Variants in NLRP3 observed in about 807,000 individuals in gnomAD.
NLRP3 encodes NLR family pyrin domain containing 3, also known as NACHT, LRR and PYD domains-containing protein 3.
A neutral mutation model predicts 91.3 loss-of-function variants in NLRP3; 48 were observed. The observed-to-expected ratio is 0.53, with a 90% CI of 0.42 to 0.67. The LOEUF (loss-of-function observed/expected upper bound fraction) is 0.67. Among genes scored for constraint, NLRP3 ranks in the 30% least tolerant of loss-of-function variants. NLRP3 has a pLI of 0.00. For synonymous variants in NLRP3, 561 were observed against 507.9 expected (o/e 1.10, Z -1.41); for missense variants, 982 against 1,276.9 (o/e 0.77, Z 3.52).
At chr1:247,437,114 T>C (rs896722618) in intron 7 of NLRP3, among the ~76,000 whole-genome samples, 2 of 152,242 alleles carry the variant, frequency 1.3e-5, no homozygotes, top group African/African-American at 2.4e-5. Context: ...ATGTTGCTAA[T>C]GGGCTCTCTA....
chr1:247,416,985 C>G (rs903149196), intron 1 of NLRP3, among the ~76,000 whole-genome samples: 2 of 152,108 alleles, frequency 1.3e-5, no homozygotes, highest in African/African-American at 4.8e-5. Flanking sequence ...CAATTCCAAA[C>G]AAAGCCAACT....
chr1:247,440,051 T>C (rs1664094157), intron 7 of NLRP3, among the ~76,000 whole-genome samples: 1 of 152,362 alleles, frequency 6.6e-6, no homozygotes, highest in South Asian at 2.1e-4. Flanking sequence ...GGGTTAGGCA[T>C]AGCCTGTGTG....
chr1:247,446,038 C>T lies in NLRP3; in HGVS notation c.3005+1217C>T, dbSNP rs74974762. Among the ~76,000 whole-genome samples the T allele has an allele frequency of 1.3e-3, 196 of 152,280 alleles. 3 individuals are homozygous for T. The East Asian group carries it at 0.03, about 24-fold the overall frequency. Reference sequence around the variant, plus strand: ...CACACCCTTGCTACTCTCTTCTACCCGAAACCTGATTCTTCCCCATTTCAG... The same window carrying T: ...CACACCCTTGCTACTCTCTTCTACCTGAAACCTGATTCTTCCCCATTTCAG... On this transcript the variant is annotated intron_variant, in intron 9 of 9. Coordinates refer to ENST00000336119, the MANE Select transcript of NLRP3 (RefSeq NM_001243133.2).
rs570873586 is a variant in NLRP3, at chr1:247,431,570, G to A, written c.2321+1815G>A. Among the ~76,000 whole-genome samples, 11 of 152,258 alleles carry A rather than the reference G, an allele frequency of 7.2e-5. No homozygotes were observed. In the South Asian group the frequency reaches 1.2e-3, roughly 17 times the overall value. ...TCAGCTCCCCGGGGATGGGGTTTGC[G>A]TTTGTTTGTCTTGCTGTCATCTTTG... is the stretch of plus-strand genomic sequence containing the variant. On this transcript the variant is annotated intron_variant, in intron 5 of 9. Coordinates refer to ENST00000336119, the MANE Select transcript of NLRP3 (RefSeq NM_001243133.2).
chr1:247,435,725 C>T (rs1057070436), intron 6 of NLRP3, among the ~76,000 whole-genome samples: 3 of 152,062 alleles, frequency 2.0e-5, no homozygotes, highest in South Asian at 2.1e-4. Flanking sequence ...TTATTTTACA[C>T]GTATTTTACC....
Position 247,445,294 on chromosome 1 carries a change from G to A in NLRP3, c.3005+473G>A, listed in dbSNP as rs181372619. ...CGGCTCACTGCAAGCTCCGCCTCCCGGGTTCACGCCATTCTCCTGCCTCGG... is the reference window on the plus strand; with the variant it reads ...CGGCTCACTGCAAGCTCCGCCTCCCAGGTTCACGCCATTCTCCTGCCTCGG... On this transcript the variant is annotated intron_variant, in intron 9 of 9. Transcript: ENST00000336119. 4.2e-3 allele frequency among the ~76,000 whole-genome samples: 638 copies of A among 152,138 alleles called. 3 individuals are homozygous for A. The highest frequency in any genetic ancestry group is 0.014 in the African/African-American group (570 of 41,518).
At chr1:247,427,530 G>T (rs1662981522) in intron 4 of NLRP3, among the ~76,000 whole-genome samples, 1 of 152,122 alleles carries the variant, frequency 6.6e-6, no homozygotes, top group Non-Finnish European at 1.5e-5. Flanking sequence ...TTCCTCTGAG[G>T]ACAGATTCTG....
At chr1:247,423,120 T>G in intron 2 of NLRP3, 110 bp from the exon 3 acceptor site, 6 of 1,448,958 alleles carry the variant, frequency 4.1e-6, no homozygotes, top group Admixed American at 1.7e-5. Flanking sequence ...CATGTTTTGA[T>G]TTGGGGGATG....
Position 247,448,410 on chromosome 1 carries a change from C to T in NLRP3, c.3011C>T (p.Ser1004Phe), listed in dbSNP as rs773718821. 6.3e-7 allele frequency: 1 copy of T among 1,593,550 alleles called. No individual in the cohort carries two copies. Among genetic ancestry groups the T allele is most frequent in the Admixed American group, 1.7e-5 (1 of 59,792 alleles). ...CTTTCTATTTGCTTTTACAGGTTGT[C>T]TGAAATGTATTTCAATTATGAGACA... ...QSCLLQNLGL[S>F]EMYFNYETKS... The change falls in exon 10 of 10, where the codon TCT becomes TTT. Residue 1004 changes from serine to phenylalanine, a missense_variant. This residue lies in a region of NLRP3 where 29 missense variants were observed against 55.3 expected (regional missense o/e 0.52). Transcript: ENST00000336119.
chr1:247,435,883 A>G, intron 6 of NLRP3, 87 bp from the exon 7 acceptor site: 1 of 1,216,092 alleles, frequency 8.2e-7, no homozygotes, highest in Non-Finnish European at 1.2e-6. Flanking sequence ...AAACTGGAGT[A>G]GAGGCAGTGG....
rs1662213149 is a variant in NLRP3 at position 247,418,568 on chromosome 1, C to T, written c.-233C>T. ...CTGCCTGCCTTGGCCTCTCAAAGTGCTGGGATTACAGGCGTGAGCCACTGT... is the reference window on the plus strand; with the variant it reads ...CTGCCTGCCTTGGCCTCTCAAAGTGTTGGGATTACAGGCGTGAGCCACTGT... On this transcript the variant is annotated 5_prime_UTR_variant, in exon 2 of 10. Transcript: ENST00000336119. The T allele has an allele frequency of 3.8e-6, 2 of 530,520 alleles. No individual in the cohort carries two copies. The highest frequency in any genetic ancestry group is 4.0e-5 in the South Asian group (2 of 49,760). 32.9% of individuals were successfully genotyped at this position (530,520 alleles called of 1,614,324 possible).
At chr1:247,439,622 C>T (rs886707552) in intron 7 of NLRP3, among the ~76,000 whole-genome samples, 5 of 152,202 alleles carry the variant, frequency 3.3e-5, no homozygotes, top group African/African-American at 1.2e-4. Context: ...AATAAGGTCA[C>T]AATCTGAAGT....
chr1:247,421,724 G>A (rs772646169), intron 2 of NLRP3, among the ~76,000 whole-genome samples: 1 of 152,194 alleles, frequency 6.6e-6, no homozygotes, highest in Admixed American at 6.5e-5. Context: ...ATCAAAGCCT[G>A]GCTCTTAACC....
At position 247,434,032 on chromosome 1, in the gene NLRP3, T is replaced by G. The variant is rs75201011; in HGVS notation, c.2322-71T>G. On this transcript the variant is annotated intron_variant, in intron 5 of 9. Coordinates refer to ENST00000336119, the MANE Select transcript of NLRP3 (RefSeq NM_001243133.2). ...AGCTTCCTGATCAGGTGTGTCCTGA[T>G]GCTTCCTCTGTTCTGGAGCTCTCTG... The G allele has an allele frequency of 0.013, 9,467 of 739,152 alleles. 1,308 individuals are homozygous for G. Among genetic ancestry groups the G allele is most frequent in the Admixed American group, 0.041 (1,346 of 32,686 alleles). 45.8% of individuals were successfully genotyped at this position (739,152 alleles called of 1,614,324 possible). A position where few individuals can be genotyped will look rare whatever the true frequency, so the allele number is the denominator to read the frequency against.
At position 247,446,366 on chromosome 1, in the gene NLRP3, A is replaced by G. The variant is rs190918903; in HGVS notation, c.3005+1545A>G. Among the ~76,000 whole-genome samples, 65 of 152,358 alleles carry G rather than the reference A, an allele frequency of 4.3e-4. 1 individual carries two copies. The East Asian group carries it at 0.01, about 24-fold the overall frequency. On this transcript the variant is annotated intron_variant, in intron 9 of 9. Coordinates refer to ENST00000336119, the MANE Select transcript of NLRP3 (RefSeq NM_001243133.2). ...AACTCGCATCATATCACTCTTGTCA[A>G]CATCGTCTTCTTATCACTTTCATAA...
intron 5 of NLRP3, among the ~76,000 whole-genome samples, chr1:247,430,702 T>C (rs1663250995): frequency 1.3e-5 from 2 of 152,130 alleles, no homozygotes; most frequent in African/African-American, 4.8e-5. Flanking sequence ...TCATGGGCCA[T>C]GTTCATAGAT....
intron 5 of NLRP3, among the ~76,000 whole-genome samples, chr1:247,431,905 C>T (rs1663359382): frequency 1.3e-5 from 2 of 152,030 alleles, no homozygotes; most frequent in Admixed American, 6.6e-5. Context: ...CTGTAACTAC[C>T]CCTTTTTTTT....
In NLRP3 at chr1:247,434,154, C is replaced by T. The variant is rs755408491; in HGVS notation, c.2373C>T (p.Val791=). 1 of 1,614,254 alleles carries T rather than the reference C, an allele frequency of 6.2e-7. No homozygotes were observed. Among genetic ancestry groups the T allele is most frequent in the South Asian group, 1.1e-5 (1 of 91,088 alleles). The part of the protein sequence containing the change: ...SHECCFDISL[V]LSSNQKLVEL... ...AGTGCTGCTTCGACATCTCCTTGGT[C>T]CTCAGCAGCAACCAGAAGCTGGTGG... Residue 791 remains valine (V), a synonymous_variant, in exon 6 of 10, where the codon GTC becomes GTT. Transcript: ENST00000336119.
rs745799926 is a variant in NLRP3 at position 247,426,571 on chromosome 1, G to A, written c.2150+972G>A. Among the ~76,000 whole-genome samples, 65 of 152,266 alleles carry A rather than the reference G, an allele frequency of 4.3e-4. 1 individual carries two copies. The Middle Eastern group carries it at 0.017, about 40-fold the overall frequency. ...CAATGAGTTTCAGCTTTCTTGATCC[G>A]TTGACATTACCATGACCAGGACCAC... On this transcript the variant is annotated intron_variant, in intron 4 of 9. Coordinates refer to ENST00000336119, the MANE Select transcript of NLRP3 (RefSeq NM_001243133.2).
Sources: allele counts gnomAD v4.1 joint callset (sites outside exome capture counted in the v4.1 genomes callset), GRCh38; gene constraint gnomAD v4.1.1; regional missense constraint gnomAD v4.1.1; transcripts MANE v1.5; gene names NCBI Gene and HGNC (gene_info 2026-07-23, HGNC 2026-07-21).